The following FOLH1 variants were observed in gnomAD, a reference collection of about 807,000 sequenced individuals.
FOLH1 encodes the protein folate hydrolase 1.
A neutral mutation model predicts 93.9 loss-of-function variants in FOLH1; 54 were observed. The observed-to-expected ratio is 0.57, with a 90% confidence interval of 0.46 to 0.72. The LOEUF (loss-of-function observed/expected upper bound fraction) is 0.72. Ranked by LOEUF, FOLH1 falls within the 30% of genes least tolerant of loss-of-function variation. The pLI is 0.00. For missense variants in FOLH1, 571 were observed against 892.5 expected, an observed-to-expected ratio of 0.64 and a Z score of 4.59; for synonymous variants, 249 against 303.6, an observed-to-expected ratio of 0.82 and a Z score of 1.87.
At chr11:49,207,321 G>T (rs1268754539) in intron 1 of FOLH1, among the ~76,000 whole-genome samples, 2 of 152,216 alleles carry the variant, frequency 1.3e-5, no homozygotes, top group Admixed American at 1.3e-4. Flanking sequence ...ATACCAGGAA[G>T]AATAAAATCC....
rs1220711282 is a variant in FOLH1 at position 49,148,694 on chromosome 11, A to G, written c.2008T>C (p.Phe670Leu). 1.9e-6 allele frequency: 3 copies of G among 1,606,454 alleles called. No homozygotes were observed. Among genetic ancestry groups the G allele is most frequent in the South Asian group, 2.2e-5 (2 of 89,368 alleles). The change falls in exon 18 of 19, where the codon TTT becomes CTT. Residue 670 changes from phenylalanine (F) to leucine (L), a missense_variant. Physicochemically the swap from Phe to Leu is conservative, Grantham distance 22. Around this residue, in one of 2 missense-constraint regions of FOLH1, gnomAD observed 500 missense variants for 822.9 expected, o/e 0.61. Transcript: ENST00000256999. ...GGATCAATAAATGCTCTTTCCAGAA[A>G]CATGAGTTGATCATTCATCATTCTT... Reference protein sequence around the residue: ...VLRMMNDQLMFLERAFIDPLG... With the variant: ...VLRMMNDQLMLLERAFIDPLG...
intron 7 of FOLH1, among the ~76,000 whole-genome samples, chr11:49,182,358 G>A (rs1860861774): frequency 1.5e-5 from 2 of 137,632 alleles, no homozygotes; most frequent in East Asian, 2.1e-4. Context: ...AAAAGGACAT[G>A]GCAATGGGAG....
intron 12 of FOLH1, among the ~76,000 whole-genome samples, chr11:49,167,001 C>T (rs1858483149): frequency 6.6e-6 from 1 of 151,022 alleles, no homozygotes; most frequent in Non-Finnish European, 1.5e-5. Context: ...CTGGACAATA[C>T]TACAAGATCT....
intron 15 of FOLH1, among the ~76,000 whole-genome samples, chr11:49,155,828 AT>A (rs1856962358): frequency 7.3e-5 from 10 of 136,682 alleles, no homozygotes; most frequent in Middle Eastern, 3.8e-3. Context: ...ATATATATAT[AT>A]ATATATAATC....
intron 4 of FOLH1, among the ~76,000 whole-genome samples, chr11:49,188,974 A>C (rs1861718733): frequency 6.6e-6 from 1 of 152,228 alleles, no homozygotes; most frequent in African/African-American, 2.4e-5. Context: ...TTTGTTACAT[A>C]GCTATTAGAA....
chr11:49,193,678 G>T (rs1862307892), intron 3 of FOLH1, among the ~76,000 whole-genome samples: 1 of 152,004 alleles, frequency 6.6e-6, no homozygotes, highest in African/African-American at 2.4e-5. Context: ...AAAAAAAATA[G>T]TAAGGAATAT....
chr11:49,180,945 TTCAA>T (rs1299579153), intron 7 of FOLH1, among the ~76,000 whole-genome samples: 1 of 152,168 alleles, frequency 6.6e-6, no homozygotes, highest in Non-Finnish European at 1.5e-5. Context: ...TTTGTTATTT[TTCAA>T]TCAATCAGAT....
intron 14 of FOLH1, among the ~76,000 whole-genome samples, chr11:49,157,725 A>T (rs567143002): frequency 6.6e-6 from 1 of 152,086 alleles, no homozygotes; most frequent in Non-Finnish European, 1.5e-5. Flanking sequence ...AATGTTCCAT[A>T]TGTATATATT....
Position 49,195,928 on chromosome 11 carries a change from G to A in FOLH1, c.412-3034C>T, listed in dbSNP as rs1862569678. On this transcript the variant is annotated intron_variant, in intron 3 of 18. Transcript: ENST00000256999. ...CCCAGCACTTTGGCAGGCCGAGGCG[G>A]GTGGATTACAAGGTCAGGAGTTCGA... Among the ~76,000 whole-genome samples the A allele has an allele frequency of 2.6e-5, 4 of 152,304 alleles. No individual in the cohort carries two copies. The South Asian group carries it at 8.3e-4, about 32-fold the overall frequency.
chr11:49,206,206 C>T (rs2931141), intron 1 of FOLH1, 34 bp from the exon 2 acceptor site: 10 of 1,608,794 alleles, frequency 6.2e-6, no homozygotes, highest in Middle Eastern at 1.7e-4. Context: ...GCATGAGATA[C>T]GAGCCTATAG....
chr11:49,191,796 C>T (rs1477860379), intron 4 of FOLH1, among the ~76,000 whole-genome samples: 3 of 152,236 alleles, frequency 2.0e-5, no homozygotes, highest in Non-Finnish European at 2.9e-5. Context: ...CTCCCGGGTT[C>T]ACGCCATCCT....
intron 13 of FOLH1, among the ~76,000 whole-genome samples, chr11:49,164,400 C>T (rs561302176): frequency 2.0e-5 from 3 of 152,252 alleles, no homozygotes; most frequent in Non-Finnish European, 2.9e-5. Context: ...AGTCTTGGTT[C>T]GGCTACCGTA....
chr11:49,208,139 T>G (rs894491097), intron 1 of FOLH1, 153 bp downstream of exon 1: 2 of 630,798 alleles, frequency 3.2e-6, no homozygotes, highest in Non-Finnish European at 5.7e-6. Context: ...TCCTCCTAAC[T>G]CGAGGGGTGC....
chr11:49,181,894 G>C (rs779481128), intron 7 of FOLH1, among the ~76,000 whole-genome samples: 14 of 152,004 alleles, frequency 9.2e-5, no homozygotes, highest in Non-Finnish European at 1.9e-4. Flanking sequence ...CTTGCCCTTG[G>C]TCAAAAAGTG....
rs754163774 is a variant in FOLH1 at position 49,154,232 on chromosome 11, T to C, written c.1884A>G (p.Ser628=). The change falls in exon 16 of 19, where the codon TCA becomes TCG. Residue 628 remains serine, a synonymous_variant. Transcript: ENST00000256999. ...HPQEMKTYSV[S]FDSLFSAVKN... ...GAAAAAGGAAGGGTAACATACCAAA[T>C]GATACACTGTATGTCTTCATTTCCT... 6.2e-7 allele frequency: 1 copy of C among 1,613,284 alleles called. No individual in the cohort carries two copies. Among genetic ancestry groups the C allele is most frequent in the African/African-American group, 1.3e-5 (1 of 75,014 alleles).
chr11:49,161,016 T>C (rs555427562), intron 13 of FOLH1, among the ~76,000 whole-genome samples: 3 of 152,298 alleles, frequency 2.0e-5, no homozygotes, highest in Admixed American at 6.5e-5. Context: ...TTCATTTCTT[T>C]TGCTTTTGCT....
intron 17 of FOLH1, among the ~76,000 whole-genome samples, chr11:49,150,015 G>T (rs1856306071): frequency 6.6e-6 from 1 of 152,118 alleles, no homozygotes; most frequent in African/African-American, 2.4e-5. Flanking sequence ...GAGTGCAGTG[G>T]CTTAATCATA....
At chr11:49,197,281 T>C (rs1432032883) in intron 3 of FOLH1, among the ~76,000 whole-genome samples, 1 of 152,224 alleles carries the variant, frequency 6.6e-6, no homozygotes, top group Non-Finnish European at 1.5e-5. Flanking sequence ...AGCAAGTTTA[T>C]GAGCTATTCT....
At chr11:49,182,328 CAAA>C (rs59966842) in intron 7 of FOLH1, among the ~76,000 whole-genome samples, 1 of 59,978 alleles carries the variant, frequency 1.7e-5, no homozygotes, top group Non-Finnish European at 2.8e-5. Flanking sequence ...GACACTGTCT[CAAA>C]AAAAAAAAAA....
Sources: gnomAD v4.1 joint callset for allele counts (sites outside exome capture counted in the v4.1 genomes callset) on GRCh38, gnomAD v4.1.1 for gene constraint, gnomAD v4.1.1 regional missense constraint, MANE v1.5 for transcripts, NCBI Gene and HGNC (gene_info 2026-07-23, HGNC 2026-07-21) for gene names.